MUC5B: variants seen among roughly 807,000 people sequenced by gnomAD.
MUC5B encodes mucin-5B.
MUC5B carries 116 observed loss-of-function variants against 376.9 expected under a neutral mutation model. The ratio of observed to expected loss-of-function variants is 0.31; its 90% CI spans 0.26 to 0.36. MUC5B has a LOEUF of 0.36. MUC5B is among the 10% of genes least tolerant of loss of function. MUC5B has a pLI of 1.00. For missense variants in MUC5B, 7,165 were observed against 7,769.9 expected (o/e 0.92, Z 2.93); for synonymous variants, 3,517 against 3,390.9 (o/e 1.04, Z -1.29).
intron 25 of MUC5B, 99 bp from the exon 26 acceptor site, chr11:1,238,772 T>C: frequency 7.5e-7 from 1 of 1,334,516 alleles, no homozygotes; most frequent in South Asian, 1.4e-5. Flanking sequence ...ATGGGGGGTG[T>C]TGAAATACAG....
At position 1,234,924 on chromosome 11, in the gene MUC5B, G is replaced by A. The variant is rs910503656; in HGVS notation, c.2631-161G>A. On this transcript the variant is annotated intron_variant, in intron 21 of 48. Coordinates refer to ENST00000529681, the MANE Select transcript of MUC5B (RefSeq NM_002458.3). This position sits in a 1 kb window ranked among gnomAD's most constrained non-coding sequence, Gnocchi z 6.3. ...GGAGCCTGGTGGGGCTGCGTGCCCT[G>A]CATTCACAGTGGGGGACACCACTTC... Among the ~76,000 whole-genome samples, 3 of 152,140 alleles carry A rather than the reference G, an allele frequency of 2.0e-5. No homozygotes were observed. The South Asian group carries it at 6.2e-4, about 31-fold the overall frequency.
At chr11:1,259,335 G>C (rs889110086) in intron 44 of MUC5B, among the ~76,000 whole-genome samples, 3 of 151,822 alleles carry the variant, frequency 2.0e-5, no homozygotes, top group Non-Finnish European at 2.9e-5. Context: ...AGTGAGACCC[G>C]AGGCACCTGC....
chr11:1,230,705 C>G, intron 12 of MUC5B, 105 bp downstream of exon 12: 1 of 1,076,716 alleles, frequency 9.3e-7, no homozygotes, highest in Non-Finnish European at 1.3e-6. Context: ...GCCAGGTCCC[C>G]CCTCCAGCCC....
Position 1,232,109 on chromosome 11 carries a change from G to A in MUC5B, c.1792G>A (p.Ala598Thr), listed in dbSNP as rs1451790281. 1 of 1,612,682 alleles carries A rather than the reference G, an allele frequency of 6.2e-7. No homozygotes were observed. Among genetic ancestry groups the A allele is most frequent in the Non-Finnish European group, 8.5e-7 (1 of 1,179,706 alleles). ...CACCTGGAAGGCCCAGGCTGCCTGT[G>A]CCAATGCCAGGAACAGCTTTGAGGA... ...ANTWKAQAAC[A>T]NARNSFEDPC... Residue 598 changes from alanine (A) to threonine (T), a missense_variant, in exon 15 of 49, where the codon GCC (alanine) becomes ACC (threonine). Coordinates refer to ENST00000529681, the MANE Select transcript of MUC5B (RefSeq NM_002458.3).
Position 1,234,462 on chromosome 11 carries a change from C to A in MUC5B, c.2479-67C>A. 1 of 1,538,710 alleles carries A rather than the reference C, an allele frequency of 6.5e-7. No homozygotes were observed. Among genetic ancestry groups the A allele is most frequent in the South Asian group, 1.2e-5 (1 of 82,750 alleles). ...TGGGTGCTGCTGGGTGCGCCTGTCC[C>A]AGAGGGTGAGTGACATCTGCCCACC... On this transcript the variant is annotated intron_variant, in intron 20 of 48. Coordinates refer to ENST00000529681, the MANE Select transcript of MUC5B (RefSeq NM_002458.3). This position sits in a 1 kb window ranked among gnomAD's most constrained non-coding sequence, Gnocchi z 6.3.
In MUC5B at chr11:1,243,734, C is replaced by G; in HGVS notation, c.6854C>G (p.Thr2285Arg). ...HTTATSRTTATATPSKTRTST... is the reference protein window; with the variant it reads ...HTTATSRTTARATPSKTRTST... ...ACGGCCACCTCCAGGACCACAGCCACGGCCACACCCAGCAAGACCCGCACC... is the reference window on the plus strand; with the variant it reads ...ACGGCCACCTCCAGGACCACAGCCAGGGCCACACCCAGCAAGACCCGCACC... The change falls in exon 31 of 49, where the codon ACG becomes AGG. Residue 2285 changes from threonine to arginine, a missense_variant. Coordinates refer to ENST00000529681, the MANE Select transcript of MUC5B (RefSeq NM_002458.3). The G allele has an allele frequency of 1.9e-6, 3 of 1,611,564 alleles. No homozygotes were observed. Among genetic ancestry groups the G allele is most frequent in the Non-Finnish European group, 2.5e-6 (3 of 1,179,496 alleles).
At position 1,245,034 on chromosome 11, in the gene MUC5B, G is replaced by A; in HGVS notation, c.8154G>A (p.Val2718=). ...STPGTTPIPP[V]LTTTATTPAA... ...CAGGGACAACACCTATCCCCCCAGT[G>A]CTGACCACCACCGCCACCACACCTG... Residue 2718 remains valine (V), a synonymous_variant, in exon 31 of 49, where the codon GTG becomes GTA. Coordinates refer to ENST00000529681, the MANE Select transcript of MUC5B (RefSeq NM_002458.3). 6.5e-7 allele frequency: 1 copy of A among 1,546,190 alleles called. No homozygotes were observed. Among genetic ancestry groups the A allele is most frequent in the African/African-American group, 1.4e-5 (1 of 71,758 alleles).
At position 1,256,754 on chromosome 11, in the gene MUC5B, T is replaced by C. The variant is rs1862847680; in HGVS notation, c.16220T>C (p.Ile5407Thr). 1.9e-6 allele frequency: 3 copies of C among 1,541,316 alleles called. No individual in the cohort carries two copies. The highest frequency in any genetic ancestry group is 2.6e-6 in the Non-Finnish European group (3 of 1,145,208). Residue 5407 changes from isoleucine to threonine, a missense_variant, in exon 39 of 49, where the codon ATC (isoleucine) becomes ACC (threonine). Around this residue, in one of 31 missense-constraint regions of MUC5B, gnomAD observed 842 missense variants for 1,016.9 expected, o/e 0.83. Coordinates refer to ENST00000529681, the MANE Select transcript of MUC5B (RefSeq NM_002458.3). ...ATCCTCTTCAACGCACACATGGGCA[T>C]CTGCGTGCAGGCCTGCCGTAAGCTC... ...DQILFNAHMG[I>T]CVQACPCVGP... is the part of the protein sequence containing the mutation.
At chr11:1,236,340 TGG>T in intron 23 of MUC5B, 44 bp from the exon 24 acceptor site, 1 of 1,565,538 alleles carries the variant, frequency 6.4e-7, no homozygotes, top group Non-Finnish European at 8.7e-7. Context: ...GGCCCCTCCC[TGG>T]GGGCCACAGG....
rs1862109755 is a variant in MUC5B, at chr11:1,234,422, G to A, written c.2479-107G>A. 1 of 1,499,756 alleles carries A rather than the reference G, an allele frequency of 6.7e-7. No individual in the cohort carries two copies. The highest frequency in any genetic ancestry group is 9.0e-7 in the Non-Finnish European group (1 of 1,109,084). The allele number at this position is 1,499,756 out of a possible 1,614,324, so 92.9% of individuals were successfully genotyped here. ...TTACCCACCTGGAAGCTCCGCCCTG[G>A]CCCATGCGTTGCCCTGGGTGCTGCT... On this transcript the variant is annotated intron_variant, in intron 20 of 48. Coordinates refer to ENST00000529681, the MANE Select transcript of MUC5B (RefSeq NM_002458.3). This position sits in a 1 kb window ranked among gnomAD's most constrained non-coding sequence, Gnocchi z 6.3.
chr11:1,250,211 C>G lies in MUC5B; in HGVS notation c.13331C>G (p.Pro4444Arg), dbSNP rs1431090996. Residue 4444 changes from proline to arginine, a missense_variant, in exon 31 of 49, where the codon CCA becomes CGA. By Grantham distance (103) the Pro-to-Arg change is moderately radical. Transcript: ENST00000529681. ...TCCACGGCCACCCCGTCCTCCACCC[C>G]AGGGACCACCTGGATCCTCACAGAG... ...TGSTATPSST[P>R]GTTWILTEPS... The G allele has an allele frequency of 1.2e-6, 2 of 1,609,466 alleles. No individual in the cohort carries two copies. The highest frequency in any genetic ancestry group is 8.5e-7 in the Non-Finnish European group (1 of 1,177,016).
In MUC5B at chr11:1,233,203, C is replaced by T; in HGVS notation, c.2256C>T (p.Cys752=). 1.2e-6 allele frequency: 2 copies of T among 1,601,838 alleles called. No homozygotes were observed. Among genetic ancestry groups the T allele is most frequent in the Non-Finnish European group, 1.7e-6 (2 of 1,177,602 alleles). ...GCGCCTGTGTGCCCGCCCAGGAGTG[C>T]CCCTGCTACGCTCACGGCACCGTGC... is the stretch of plus-strand genomic sequence containing the variant. ...DAGACVPAQE[C]PCYAHGTVLA... is the part of the protein sequence containing the mutation. The change falls in exon 18 of 49, where the codon TGC becomes TGT. Residue 752 remains cysteine (C), a synonymous_variant. Coordinates refer to ENST00000529681, the MANE Select transcript of MUC5B (RefSeq NM_002458.3).
chr11:1,232,319 C>T, intron 15 of MUC5B, 131 bp from the exon 16 acceptor site: 2 of 1,341,410 alleles, frequency 1.5e-6, no homozygotes, highest in South Asian at 1.4e-5. Flanking sequence ...CGGCCAGAAC[C>T]CCCCAAGGCG....
chr11:1,224,271 T>C (rs934206789), intron 1 of MUC5B, among the ~76,000 whole-genome samples: 3 of 152,122 alleles, frequency 2.0e-5, no homozygotes, highest in Admixed American at 6.5e-5. Flanking sequence ...AGTCACCAGA[T>C]GCACGTCCTG....
At chr11:1,231,276 A>T in intron 13 of MUC5B, 147 bp from the exon 14 acceptor site, 1 of 1,032,984 alleles carries the variant, frequency 9.7e-7, no homozygotes, top group Non-Finnish European at 1.4e-6. Context: ...CAGGCATGGG[A>T]CAGGGAGCCT....
rs978285366 is a variant in MUC5B at position 1,223,070 on chromosome 11, G to A, written c.-54G>A. 30 of 685,382 alleles carry A rather than the reference G, an allele frequency of 4.4e-5. No homozygotes were observed. Among genetic ancestry groups the A allele is most frequent in the Admixed American group, 8.3e-5 (4 of 48,054 alleles). The allele number at this position is 685,382 out of a possible 1,614,324, so 42.5% of individuals were successfully genotyped here. On this transcript the variant is annotated 5_prime_UTR_variant, in exon 1 of 49. Transcript: ENST00000529681. ...GGGGCCCCCAGGGGAGCAAGCACCC[G>A]GCCCGGCTCCCTCCCTGCCCGTCCC... is the stretch of plus-strand genomic sequence containing the variant.
chr11:1,254,043 C>T (rs761787126), intron 33 of MUC5B, 49 bp from the exon 34 acceptor site: 125 of 1,578,074 alleles, frequency 7.9e-5, no homozygotes, highest in Non-Finnish European at 9.8e-5. Flanking sequence ...GCCTGGGGAG[C>T]GAGGGCACCA....
chr11:1,243,375 C>T lies in MUC5B; in HGVS notation c.6495C>T (p.Thr2165=), dbSNP rs369003041. The T allele has an allele frequency of 6.4e-4, 984 of 1,528,928 alleles. 20 individuals are homozygous for T. Among genetic ancestry groups the T allele is most frequent in the Admixed American group, 1.0e-3 (53 of 51,134 alleles). The allele number at this position is 1,528,928 out of a possible 1,614,324, so 94.7% of individuals were successfully genotyped here. The part of the protein sequence containing the change: ...TTPIPPVLTT[T]ATTPAATSNT... ...CCATCCCCCCAGTGCTGACCACCACCGCCACCACACCTGCAGCCACCAGCA... is the reference window on the plus strand; with the variant it reads ...CCATCCCCCCAGTGCTGACCACCACTGCCACCACACCTGCAGCCACCAGCA... The change falls in exon 31 of 49, where the codon ACC becomes ACT. Residue 2165 remains threonine, a synonymous_variant. Coordinates refer to ENST00000529681, the MANE Select transcript of MUC5B (RefSeq NM_002458.3).
At chr11:1,223,287 C>G in intron 1 of MUC5B, 94 bp downstream of exon 1, 1 of 699,700 alleles carries the variant, frequency 1.4e-6, no homozygotes, top group East Asian at 2.7e-5. Context: ...GCAGAGTGCA[C>G]GGGCAGATCC....
Sources: gnomAD v4.1 joint callset for allele counts (sites outside exome capture counted in the v4.1 genomes callset) on GRCh38, gnomAD v4.1.1 for gene constraint, gnomAD v4.1.1 regional missense constraint, Gnocchi (gnomAD v3.1) non-coding constraint, MANE v1.5 for transcripts, NCBI Gene and HGNC (gene_info 2026-07-23, HGNC 2026-07-21) for gene names.